The following LUZP2 variants were observed in gnomAD, a reference collection of about 807,000 sequenced individuals.
LUZP2 encodes the protein leucine zipper protein 2.
In LUZP2, 52 loss-of-function variants were observed where a neutral mutation model predicts 51.6. The observed-to-expected ratio is 1.01, with a 90% CI of 0.81 to 1.27. The LOEUF (loss-of-function observed/expected upper bound fraction) is 1.27, where lower values mean the gene tolerates loss of function less well. Ranked by LOEUF, LUZP2 falls within the 50% of genes most tolerant of loss-of-function variation. LUZP2 has a pLI of 0.00. For synonymous variants in LUZP2, 154 were observed against 137.3 expected, an observed-to-expected ratio of 1.12 and a Z score of -0.85; for missense variants, 436 against 395.4, an observed-to-expected ratio of 1.10 and a Z score of -0.87.
intron 5 of LUZP2, among the ~76,000 whole-genome samples, chr11:24,767,326 C>T (rs1214143993): frequency 3.9e-5 from 6 of 152,096 alleles, no homozygotes; most frequent in Non-Finnish European, 8.8e-5. Context: ...AGATATAATA[C>T]CATTTTTGAA....
At chr11:24,819,196 T>G (rs1438781088) in intron 5 of LUZP2, among the ~76,000 whole-genome samples, 2 of 151,978 alleles carry the variant, frequency 1.3e-5, no homozygotes, top group African/African-American at 4.8e-5. Flanking sequence ...CACAGCGTGT[T>G]TGGAAAATTG....
intron 5 of LUZP2, among the ~76,000 whole-genome samples, chr11:24,815,997 T>TA (rs1230893479): frequency 1.3e-4 from 1 of 7,844 alleles, no homozygotes; most frequent in Non-Finnish European, 1.2e-3. Flanking sequence ...TCTTATCTTC[T>TA]TTTTTTTTTA....
At chr11:24,941,650 T>A (rs1386008320) in intron 7 of LUZP2, among the ~76,000 whole-genome samples, 1 of 152,190 alleles carries the variant, frequency 6.6e-6, no homozygotes, top group Non-Finnish European at 1.5e-5. Flanking sequence ...CACCATCATT[T>A]GTACTCTTAT....
rs574912946 is a variant in LUZP2, at chr11:24,755,164, C to T, written c.334-8082C>T. Among the ~76,000 whole-genome samples the T allele has an allele frequency of 2.6e-4, 39 of 151,464 alleles. 3 individuals are homozygous for T. The South Asian group carries it at 7.5e-3, about 29-fold the overall frequency. On this transcript the variant is annotated intron_variant, in intron 4 of 11. Coordinates refer to ENST00000336930, the MANE Select transcript of LUZP2 (RefSeq NM_001009909.4). ...CTGTCTAAAAAACAGAAAAAAAAAA[C>T]ACACACACACATTAGTCGCAAATTA...
At chr11:24,761,930 G>T (rs1024304556) in intron 4 of LUZP2, among the ~76,000 whole-genome samples, 3 of 151,386 alleles carry the variant, frequency 2.0e-5, no homozygotes, top group Non-Finnish European at 4.4e-5. Flanking sequence ...CAGTATAGTG[G>T]TTACCTGGGG....
rs539053145 is a variant in LUZP2, at chr11:24,869,549, G to A, written c.397-36442G>A. 2.6e-5 allele frequency among the ~76,000 whole-genome samples: 4 copies of A among 151,990 alleles called. No individual in the cohort carries two copies. In the East Asian group the frequency reaches 5.8e-4, roughly 22 times the overall value. ...TCAGCTCATTGTAACCTCTGCCTTCGGGGTTCAAGTGATTCTCCTGCCTCA... is the reference window on the plus strand; with the variant it reads ...TCAGCTCATTGTAACCTCTGCCTTCAGGGTTCAAGTGATTCTCCTGCCTCA... On this transcript the variant is annotated intron_variant, in intron 5 of 11. Transcript: ENST00000336930.
Position 24,672,825 on chromosome 11 carries a change from C to T in LUZP2, c.63-56344C>T, listed in dbSNP as rs902863226. Among the ~76,000 whole-genome samples the T allele has an allele frequency of 8.5e-5, 13 of 152,190 alleles. No homozygotes were observed. The East Asian group carries it at 1.2e-3, about 14-fold the overall frequency. ...TTGAATACTTTACGTCAGGGGTCCC[C>T]AGTCCCTGGACCACAGACCAGTACC... is the stretch of plus-strand genomic sequence containing the variant. On this transcript the variant is annotated intron_variant, in intron 1 of 11. Transcript: ENST00000336930.
intron 1 of LUZP2, among the ~76,000 whole-genome samples, chr11:24,583,081 A>C (rs1156247303): frequency 6.6e-6 from 1 of 152,134 alleles, no homozygotes; most frequent in African/African-American, 2.4e-5. Flanking sequence ...TTGGTCTTTC[A>C]CAGAGTTTTA....
At chr11:25,013,737 T>C (rs1857048193) in intron 9 of LUZP2, among the ~76,000 whole-genome samples, 1 of 151,646 alleles carries the variant, frequency 6.6e-6, no homozygotes, top group Non-Finnish European at 1.5e-5. Flanking sequence ...ATTAACTGTA[T>C]TTATTTATTT....
intron 1 of LUZP2, among the ~76,000 whole-genome samples, chr11:24,523,467 T>C (rs1382970952): frequency 1.3e-5 from 2 of 150,716 alleles, no homozygotes; most frequent in African/African-American, 4.9e-5. Flanking sequence ...TCCATGCTAA[T>C]TCACTTAAAA....
At chr11:24,760,094 A>G (rs1397466031) in intron 4 of LUZP2, among the ~76,000 whole-genome samples, 1 of 152,162 alleles carries the variant, frequency 6.6e-6, no homozygotes, top group Admixed American at 6.6e-5. Flanking sequence ...AGTTGATTTC[A>G]AAGATTTTGT....
At chr11:24,842,539 C>G (rs1423228740) in intron 5 of LUZP2, among the ~76,000 whole-genome samples, 8 of 151,840 alleles carry the variant, frequency 5.3e-5, no homozygotes, top group Non-Finnish European at 1.0e-4. Context: ...CTGTACTCAA[C>G]AATTATACAA....
intron 1 of LUZP2, among the ~76,000 whole-genome samples, chr11:24,718,501 A>G (rs1020898446): frequency 1.3e-5 from 2 of 152,230 alleles, no homozygotes; most frequent in Admixed American, 6.5e-5. Flanking sequence ...AATCTTATCT[A>G]GCTCGTATGG....
intron 1 of LUZP2, among the ~76,000 whole-genome samples, chr11:24,502,085 A>G (rs1850011113): frequency 6.6e-6 from 1 of 152,198 alleles, no homozygotes; most frequent in South Asian, 2.1e-4. Flanking sequence ...CTTCAATTGT[A>G]AGGACTGAAT....
At chr11:24,851,370 T>A (rs1851390063) in intron 5 of LUZP2, among the ~76,000 whole-genome samples, 2 of 152,216 alleles carry the variant, frequency 1.3e-5, no homozygotes, top group South Asian at 4.1e-4. Context: ...TCATGTGGTT[T>A]CTGTCATTGG....
intron 5 of LUZP2, among the ~76,000 whole-genome samples, chr11:24,879,599 A>G (rs544160229): frequency 2.0e-4 from 31 of 152,256 alleles, no homozygotes; most frequent in African/African-American, 7.5e-4. Flanking sequence ...TGACTTTTTA[A>G]TAATTGCCAT....
At chr11:24,854,763 G>A (rs1851504645) in intron 5 of LUZP2, among the ~76,000 whole-genome samples, 1 of 152,088 alleles carries the variant, frequency 6.6e-6, no homozygotes, top group Non-Finnish European at 1.5e-5. Flanking sequence ...GGTGGTGTAG[G>A]CACCTGAGGG....
At chr11:24,941,272 C>CA (rs1377671368) in intron 7 of LUZP2, among the ~76,000 whole-genome samples, 3 of 152,016 alleles carry the variant, frequency 2.0e-5, no homozygotes, top group African/African-American at 7.2e-5. Flanking sequence ...TATGTTTTTC[C>CA]AAAATATTAG....
At chr11:24,780,104 G>C (rs1434747524) in intron 5 of LUZP2, among the ~76,000 whole-genome samples, 2 of 152,100 alleles carry the variant, frequency 1.3e-5, no homozygotes, top group African/African-American at 2.4e-5. Context: ...CACTCAATCT[G>C]TGGTAATTTA....
Sources: gnomAD v4.1 joint callset for allele counts (sites outside exome capture counted in the v4.1 genomes callset) on GRCh38, gnomAD v4.1.1 for gene constraint, MANE v1.5 for transcripts, NCBI Gene and HGNC (gene_info 2026-07-23, HGNC 2026-07-21) for gene names.